PDZRN4: variants seen among roughly 807,000 people sequenced by gnomAD.
PDZRN4 encodes PDZ domain-containing RING finger protein 4.
PDZRN4 carries 70 observed loss-of-function variants against 99.0 expected under a neutral mutation model. That is an observed-to-expected ratio of 0.71 (90% confidence interval 0.58 to 0.86). PDZRN4 has a LOEUF of 0.86. Ranked by LOEUF, PDZRN4 falls within the 40% of genes least tolerant of loss-of-function variation. The probability of loss-of-function intolerance (pLI) is 0.00; values close to 1 mark genes in which losing one functional copy is unlikely to be tolerated. For synonymous variants in PDZRN4, 551 were observed against 501.6 expected (o/e 1.10, Z -1.32); for missense variants, 1,474 against 1,331.2 (o/e 1.11, Z -1.67).
At chr12:41,339,538 A>G (rs1261749271) in intron 3 of PDZRN4, among the ~76,000 whole-genome samples, 1 of 152,098 alleles carries the variant, frequency 6.6e-6, no homozygotes, top group Non-Finnish European at 1.5e-5. Flanking sequence ...GTAATACCCA[A>G]AAAGCATCAG....
intron 3 of PDZRN4, among the ~76,000 whole-genome samples, chr12:41,354,025 A>G (rs892361751): frequency 2.0e-5 from 3 of 152,072 alleles, no homozygotes; most frequent in African/African-American, 4.8e-5. Context: ...AATTTGAGAG[A>G]CGGTAACTAG....
chr12:41,544,689 T>C (rs573617149), intron 5 of PDZRN4, among the ~76,000 whole-genome samples: 6 of 152,194 alleles, frequency 3.9e-5, no homozygotes, highest in Non-Finnish European at 8.8e-5. Context: ...ATGCTCATAA[T>C]TGCCAAGAAG....
At chr12:41,407,292 A>C (rs949275677) in intron 3 of PDZRN4, among the ~76,000 whole-genome samples, 4 of 152,164 alleles carry the variant, frequency 2.6e-5, no homozygotes, top group Admixed American at 6.6e-5. Flanking sequence ...CTTTATAAGA[A>C]GGCTTCTAAG....
intron 3 of PDZRN4, among the ~76,000 whole-genome samples, chr12:41,239,397 C>G (rs1223503316): frequency 2.0e-5 from 3 of 152,132 alleles, no homozygotes; most frequent in Non-Finnish European, 4.4e-5. Context: ...ATGGGTTGAA[C>G]TGTGCAGCAA....
At chr12:41,329,856 T>C (rs545099531) in intron 3 of PDZRN4, among the ~76,000 whole-genome samples, 1 of 152,188 alleles carries the variant, frequency 6.6e-6, no homozygotes, top group Admixed American at 6.6e-5. Context: ...TCAAGCCAAG[T>C]ACTGTTTTTA....
At chr12:41,236,212 A>G (rs1951065547) in intron 3 of PDZRN4, among the ~76,000 whole-genome samples, 1 of 152,192 alleles carries the variant, frequency 6.6e-6, no homozygotes, top group Non-Finnish European at 1.5e-5. Context: ...GAAGAAAATT[A>G]TCTTATTTGT....
chr12:41,339,038 C>G (rs1177829802), intron 3 of PDZRN4, among the ~76,000 whole-genome samples: 1 of 150,918 alleles, frequency 6.6e-6, no homozygotes, highest in African/African-American at 2.4e-5. Flanking sequence ...GTCAAAATGC[C>G]AATGATGTTC....
At chr12:41,560,411 G>T (rs1201366061) in intron 7 of PDZRN4, among the ~76,000 whole-genome samples, 1 of 152,102 alleles carries the variant, frequency 6.6e-6, no homozygotes, top group Non-Finnish European at 1.5e-5. Flanking sequence ...CCTAAAGTGA[G>T]ATTTTGACAG....
At chr12:41,464,297 G>A (rs1952904139) in intron 3 of PDZRN4, among the ~76,000 whole-genome samples, 3 of 149,530 alleles carry the variant, frequency 2.0e-5, no homozygotes, top group Non-Finnish European at 3.0e-5. Context: ...TAGCTTTCAG[G>A]AAAAAAAAAA....
intron 3 of PDZRN4, among the ~76,000 whole-genome samples, chr12:41,208,878 G>A (rs1744702078): frequency 6.6e-6 from 1 of 150,804 alleles, no homozygotes; most frequent in Non-Finnish European, 1.5e-5. Flanking sequence ...TATTGTTAGG[G>A]GAAAAAAAAG....
chr12:41,418,320 C>T (rs1952460876), intron 3 of PDZRN4, among the ~76,000 whole-genome samples: 1 of 152,122 alleles, frequency 6.6e-6, no homozygotes, highest in Non-Finnish European at 1.5e-5. Context: ...TCATTGTTAT[C>T]AATTCTGCTG....
At chr12:41,213,293 A>G (rs1158103413) in intron 3 of PDZRN4, among the ~76,000 whole-genome samples, 1 of 152,056 alleles carries the variant, frequency 6.6e-6, no homozygotes, top group Non-Finnish European at 1.5e-5. Context: ...CAGCCAGTGC[A>G]GTAGTTCAGA....
At chr12:41,379,162 T>TTGATGATTC (rs879766650) in intron 3 of PDZRN4, among the ~76,000 whole-genome samples, 1 of 151,874 alleles carries the variant, frequency 6.6e-6, no homozygotes, top group Non-Finnish European at 1.5e-5. Context: ...ATGGTAGATT[T>TTGATGATTC]TGATGATTCT....
intron 3 of PDZRN4, among the ~76,000 whole-genome samples, chr12:41,236,985 C>T (rs1211008350): frequency 6.6e-6 from 1 of 151,928 alleles, no homozygotes; most frequent in African/African-American, 2.4e-5. Context: ...AAATGGAAGA[C>T]TGATAACATT....
At chr12:41,515,351 G>C (rs954061634) in intron 5 of PDZRN4, among the ~76,000 whole-genome samples, 2 of 151,836 alleles carry the variant, frequency 1.3e-5, no homozygotes, top group South Asian at 4.1e-4. Flanking sequence ...CTTTTCTTCC[G>C]CTTGTTAGTC....
chr12:41,308,668 A>G (rs1951586942), intron 3 of PDZRN4, among the ~76,000 whole-genome samples: 1 of 152,172 alleles, frequency 6.6e-6, no homozygotes, highest in Non-Finnish European at 1.5e-5. Context: ...TAACCCAAGA[A>G]TATATTTATA....
chr12:41,428,581 A>T lies in PDZRN4; in HGVS notation c.844-77875A>T, dbSNP rs528504695. On this transcript the variant is annotated intron_variant, in intron 3 of 9. Coordinates refer to ENST00000402685, the MANE Select transcript of PDZRN4 (RefSeq NM_001164595.2). ...GTTGTAACCTTTGCTCTTAAAGCAGAAATTTCTGTTTTGTGTTCTCTTTTG... is the reference window on the plus strand; with the variant it reads ...GTTGTAACCTTTGCTCTTAAAGCAGTAATTTCTGTTTTGTGTTCTCTTTTG... 3.9e-5 allele frequency among the ~76,000 whole-genome samples: 6 copies of T among 152,282 alleles called. No homozygotes were observed. In the South Asian group the frequency reaches 1.2e-3, roughly 32 times the overall value.
At chr12:41,556,320 T>A (rs1565614410) in intron 7 of PDZRN4, among the ~76,000 whole-genome samples, 1 of 152,228 alleles carries the variant, frequency 6.6e-6, no homozygotes, top group Non-Finnish European at 1.5e-5. Flanking sequence ...TTGAGAAATG[T>A]CATTAGATGA....
chr12:41,464,297 G>GA (rs5797737), intron 3 of PDZRN4, among the ~76,000 whole-genome samples: 25 of 149,530 alleles, frequency 1.7e-4, no homozygotes, highest in African/African-American at 5.9e-4. Flanking sequence ...TAGCTTTCAG[G>GA]AAAAAAAAAA....
Sources: gnomAD v4.1 joint callset for allele counts (sites outside exome capture counted in the v4.1 genomes callset) on GRCh38, gnomAD v4.1.1 for gene constraint, MANE v1.5 for transcripts, NCBI Gene and HGNC (gene_info 2026-07-23, HGNC 2026-07-21) for gene names.